The following NBPF10 variants were observed in gnomAD, a reference collection of about 807,000 sequenced individuals.
NBPF10 encodes NBPF member 10.
In NBPF10, 63 loss-of-function variants were observed where a neutral mutation model predicts 77.9. The observed-to-expected ratio is 0.81, with a 90% confidence interval of 0.66 to 1.00. NBPF10 has a LOEUF of 1.00. Among genes scored for constraint, NBPF10 ranks in the 50% least tolerant of loss-of-function variants. The pLI is 0.00. For missense variants in NBPF10, 522 were observed against 679.8 expected (o/e 0.77, Z 2.58); for synonymous variants, 146 against 264.5 (o/e 0.55, Z 4.35).
At chr1:146,069,653 C>T (rs782731287) in exon 86 of NBPF10, 19 of 1,501,750 alleles carry the variant, frequency 1.3e-5, no homozygotes, top group South Asian at 2.2e-5. Flanking sequence ...AGTTGAATAA[C>T]ATCTATCCAG....
intron 89 of NBPF10, 151 bp from the exon 90 acceptor site, chr1:146,066,712 G>A (rs1457590669): frequency 1.0e-5 from 6 of 590,276 alleles, no homozygotes; most frequent in East Asian, 2.8e-5. Context: ...TTGCCTTTAT[G>A]TTGGGATAGA....
At chr1:146,121,329 T>C (rs1658146685) in intron 20 of NBPF10, among the ~76,000 whole-genome samples, 169 bp downstream of exon 20, 1 of 45,960 alleles carries the variant, frequency 2.2e-5, no homozygotes, top group African/African-American at 9.9e-5. Context: ...GACCCATCCC[T>C]TGTCTGGGCT....
chr1:146,067,596 T>A (rs1268255023), intron 88 of NBPF10, among the ~76,000 whole-genome samples: 11 of 150,830 alleles, frequency 7.3e-5, no homozygotes, highest in Non-Finnish European at 1.5e-4. Context: ...CAATGATTTC[T>A]AGGAGAAAAA....
chr1:146,069,547 C>A lies in NBPF10; in HGVS notation c.10806G>T (p.Met3602Ile), dbSNP rs782383917. Reference sequence around the variant, plus strand: ...CCTTCATAGAAAGGTACTCACCATCCATGTCAACAGCCAAGCCAACACGCT... The same window carrying A: ...CCTTCATAGAAAGGTACTCACCATCAATGTCAACAGCCAAGCCAACACGCT... Residue 3602 changes from methionine (M) to isoleucine (I), a missense_variant, in exon 86 of 90, where the codon ATG becomes ATT. Coordinates refer to ENST00000583866, the Ensembl canonical transcript of NBPF10. 8 of 927,366 alleles carry A rather than the reference C, an allele frequency of 8.6e-6. 1 individual carries two copies. The highest frequency in any genetic ancestry group is 1.3e-5 in the Non-Finnish European group (8 of 608,678). 57.4% of individuals were successfully genotyped at this position (927,366 alleles called of 1,614,324 possible). A position where few individuals can be genotyped will look rare whatever the true frequency, so the allele number is the denominator to read the frequency against.
chr1:146,081,030 CAGAGAGAG>C (rs1174335533), intron 71 of NBPF10, among the ~76,000 whole-genome samples: 10 of 35,466 alleles, frequency 2.8e-4, no homozygotes, highest in Admixed American at 6.6e-4. Context: ...CACACACACA[CAGAGAGAG>C]AGAGAGAGAA....
rs782687938 is a variant in NBPF10 at position 146,142,703 on chromosome 1, T to C, written c.225A>G (p.Arg75=). Residue 75 remains arginine (R), a synonymous_variant, in exon 2 of 90, where the codon CGA becomes CGG. Transcript: ENST00000583866. ...CTGCAAGCTTCTCCTCCTTGAACTG[T>C]CGCTCATTCCTCAGCATAAATTTTA... 2.9e-5 allele frequency: 39 copies of C among 1,362,240 alleles called. 7 individuals are homozygous for C. Among genetic ancestry groups the C allele is most frequent in the Non-Finnish European group, 3.9e-5 (39 of 991,968 alleles). 84.4% of individuals were successfully genotyped at this position (1,362,240 alleles called of 1,614,324 possible). A position where few individuals can be genotyped will look rare whatever the true frequency, so the allele number is the denominator to read the frequency against.
chr1:146,081,030 CAGAGAGAGAGAG>C (rs1174335533), intron 71 of NBPF10, among the ~76,000 whole-genome samples: 128 of 35,148 alleles, frequency 3.6e-3, no homozygotes, highest in East Asian at 5.2e-3. Context: ...CACACACACA[CAGAGAGAGAGAG>C]AGAGAACGAG....
intron 71 of NBPF10, among the ~76,000 whole-genome samples, chr1:146,081,032 G>C (rs1216803901): frequency 0.029 from 1,209 of 42,004 alleles, 3 homozygotes; most frequent in East Asian, 0.061. Flanking sequence ...CACACACACA[G>C]AGAGAGAGAG....
chr1:146,068,129 C>G (rs1225907087), exon 88 of NBPF10: 1 of 493,850 alleles, frequency 2.0e-6, no homozygotes, highest in Admixed American at 4.1e-5. Flanking sequence ...TCCAGTGAGT[C>G]CTGCAAGACT....
intron 88 of NBPF10, among the ~76,000 whole-genome samples, chr1:146,067,771 A>G (rs1365653635): frequency 6.6e-6 from 1 of 151,448 alleles, no homozygotes; most frequent in Admixed American, 6.6e-5. Context: ...TGAGAATAGG[A>G]TCAGGGCGCC....
chr1:146,141,683 C>G (rs1553797394), exon 3 of NBPF10: 2 of 1,227,242 alleles, frequency 1.6e-6, no homozygotes, highest in Admixed American at 4.3e-5. Flanking sequence ...GCCCCTGGGA[C>G]TTGTCCGGCT....
chr1:146,143,978 GA>G (rs1660555870), intron 1 of NBPF10, among the ~76,000 whole-genome samples: 1 of 151,156 alleles, frequency 6.6e-6, no homozygotes, highest in Non-Finnish European at 1.5e-5. Context: ...TCAAACTGCT[GA>G]CCTCGTGCTC....
At position 146,067,192 on chromosome 1, in the gene NBPF10, G is replaced by A. The variant is rs782306085; in HGVS notation, c.11132C>T (p.Pro3711Leu). 2.1e-5 allele frequency: 13 copies of A among 615,558 alleles called. 4 individuals are homozygous for A. Among genetic ancestry groups the A allele is most frequent in the South Asian group, 1.8e-4 (11 of 62,456 alleles). 38.1% of individuals were successfully genotyped at this position (615,558 alleles called of 1,614,324 possible). ...TGCTGAAAGTCACCTGGGGCATGGT[G>A]GGTTTTGATCTTCTTCCCCTTCTTT... The change falls in exon 89 of 90, where the codon CCA (proline) becomes CTA (leucine). Residue 3711 changes from proline (P) to leucine (L), a missense_variant. Physicochemically the swap from Pro to Leu is moderately conservative, Grantham distance 98 (BLOSUM62 -3). Coordinates refer to ENST00000583866, the Ensembl canonical transcript of NBPF10.
chr1:146,067,862 T>C (rs1434679085), intron 88 of NBPF10, 141 bp downstream of exon 88: 5 of 698,472 alleles, frequency 7.2e-6, no homozygotes, highest in East Asian at 5.5e-5. Context: ...GACTACAGTT[T>C]CATTACAACC....
intron 19 of NBPF10, among the ~76,000 whole-genome samples, chr1:146,121,934 G>A (rs1157407676): frequency 8.5e-5 from 12 of 141,882 alleles, no homozygotes; most frequent in African/African-American, 3.4e-4. Context: ...TGACATACTG[G>A]TAAGGGAGTC....
chr1:146,069,568 A>G (rs1655590495), exon 86 of NBPF10: 2 of 1,177,392 alleles, frequency 1.7e-6, no homozygotes, highest in East Asian at 4.8e-5. Context: ...CCAAGCCAAC[A>G]CGCTGTTGCT....
exon 14 of NBPF10, chr1:146,126,333 A>T: frequency 7.7e-7 from 1 of 1,294,166 alleles, no homozygotes; most frequent in Non-Finnish European, 1.1e-6. Context: ...GACAACCTGA[A>T]GGAGTTGAAT....
intron 86 of NBPF10, among the ~76,000 whole-genome samples, chr1:146,069,260 C>G (rs1553779182): frequency 2.3e-5 from 2 of 87,188 alleles, no homozygotes; most frequent in East Asian, 2.5e-4. Flanking sequence ...GAGACAAAAT[C>G]AGAGTTGTGT....
At chr1:146,127,028 C>T in exon 13 of NBPF10, 1 of 515,530 alleles carries the variant, frequency 1.9e-6, no homozygotes, top group East Asian at 2.9e-5. Flanking sequence ...TCAGACTCAC[C>T]TGGGACCTGT....
Sources: gnomAD v4.1 joint callset for allele counts (sites outside exome capture counted in the v4.1 genomes callset) on GRCh38, gnomAD v4.1.1 for gene constraint, MANE v1.5 for transcripts, NCBI Gene and HGNC (gene_info 2026-07-23, HGNC 2026-07-21) for gene names.